PTPRS: variants seen among roughly 807,000 people sequenced by gnomAD.
PTPRS encodes receptor-type tyrosine-protein phosphatase S.
A neutral mutation model predicts 215.3 loss-of-function variants in PTPRS; 63 were observed. The observed-to-expected ratio is 0.29, with a 90% CI of 0.24 to 0.36. The LOEUF is 0.36. Ranked by LOEUF, PTPRS falls within the 10% of genes least tolerant of loss-of-function variation. PTPRS has a pLI of 1.00. For missense variants in PTPRS, 2,258 were observed against 2,825.8 expected, an observed-to-expected ratio of 0.80 and a Z score of 4.56; for synonymous variants, 1,404 against 1,191.4, an observed-to-expected ratio of 1.18 and a Z score of -3.68.
intron 13 of PTPRS, among the ~76,000 whole-genome samples, chr19:5,234,888 C>T (rs1443103582): frequency 6.6e-6 from 1 of 151,972 alleles, no homozygotes; most frequent in Non-Finnish European, 1.5e-5. Flanking sequence ...TACTATGTGT[C>T]AGGCAACTCT....
rs546386339 is a variant in PTPRS, at chr19:5,227,449, T to C, written c.2377-1605A>G. ...TTTTTTTGGACATAGAGTTTCGCTC[T>C]TGTTGCCCAGGCTGGAGTGCAATGG... On this transcript the variant is annotated intron_variant, in intron 16 of 37. Transcript: ENST00000262963. Among the ~76,000 whole-genome samples, 29 of 149,182 alleles carry C rather than the reference T, an allele frequency of 1.9e-4. No individual in the cohort carries two copies. In the South Asian group the frequency reaches 5.4e-3, roughly 28 times the overall value.
rs1220357279 is a variant in PTPRS, at chr19:5,293,589, A to C, written c.-94-7355T>G. 6.6e-6 allele frequency among the ~76,000 whole-genome samples: 1 copy of C among 152,090 alleles called. No individual in the cohort carries two copies. The highest frequency in any genetic ancestry group is 1.5e-5 in the Non-Finnish European group (1 of 67,998). On this transcript the variant is annotated intron_variant, in intron 1 of 37. Coordinates refer to ENST00000262963, the MANE Select transcript of PTPRS (RefSeq NM_002850.4). The surrounding 1 kb of genome is among the most constrained non-coding windows in gnomAD (Gnocchi z 8.4). Reference sequence around the variant, plus strand: ...ATCGTAGCCATGGCAACGCATGAGGAGGCTGGATGCCGGACAGGGCGGCGG... The same window carrying C: ...ATCGTAGCCATGGCAACGCATGAGGCGGCTGGATGCCGGACAGGGCGGCGG...
rs942040732 is a variant in PTPRS at position 5,244,161 on chromosome 19, A to G, written c.1310T>C (p.Met437Thr). ...CACAATCATGGTGGTCGCGCTGAGCATCCGGGCTTGCACGTTCCGCGGCGC... is the reference window on the plus strand; with the variant it reads ...CACAATCATGGTGGTCGCGCTGAGCGTCCGGGCTTGCACGTTCCGCGGCGC... ...ASAPRNVQAR[M>T]LSATTMIVQW... The change falls in exon 11 of 38, where the codon ATG becomes ACG. Residue 437 changes from methionine (M) to threonine (T), a missense_variant. Physicochemically the swap from Met to Thr is moderately conservative, Grantham distance 81. This residue lies in a region of PTPRS where 508 missense variants were observed against 799.4 expected (regional missense o/e 0.64). Transcript: ENST00000262963. The surrounding 1 kb of genome is among the most constrained non-coding windows in gnomAD (Gnocchi z 7.2). 6.2e-7 allele frequency: 1 copy of G among 1,600,888 alleles called. No homozygotes were observed. The highest frequency in any genetic ancestry group is 1.1e-5 in the South Asian group (1 of 89,736).
chr19:5,315,350 G>GCTTTTTTTTTTTTTTTTTT lies in PTPRS; in HGVS notation c.-95+25313_-95+25314insAAAAAAAAAAAAAAAAAAG, dbSNP rs2049835558. Among the ~76,000 whole-genome samples, 20 of 101,314 alleles carry GCTTTTTTTTTTTTTTTTTT rather than the reference G, an allele frequency of 2.0e-4. 8 individuals are homozygous for GCTTTTTTTTTTTTTTTTTT. The highest frequency in any genetic ancestry group is 6.2e-4 in the South Asian group (2 of 3,212). 66.5% of individuals were successfully genotyped at this position (101,314 alleles called of 152,430 possible). A position where few individuals can be genotyped will look rare whatever the true frequency, so the allele number is the denominator to read the frequency against. On this transcript the variant is annotated intron_variant, in intron 1 of 37. Coordinates refer to ENST00000262963, the MANE Select transcript of PTPRS (RefSeq NM_002850.4). ...TCATGGAGAATTTTTATTTGAAAAG[G>GCTTTTTTTTTTTTTTTTTT]GTTTTTTTTTTTTTTTTTTTTTTTT...
In PTPRS at chr19:5,244,131, C is replaced by CA; in HGVS notation, c.1339dup (p.Trp447LeufsTer180). On this transcript the variant is annotated frameshift_variant, in exon 11 of 38. Transcript: ENST00000262963. LOFTEE classifies it high-confidence loss of function. This position sits in a 1 kb window ranked among gnomAD's most constrained non-coding sequence, Gnocchi z 7.2. ...GCCGTTGGGCTCCACCGGCTCCTCC[C>CA]ACTGCACAATCATGGTGGTCGCGCT... is the stretch of plus-strand genomic sequence containing the variant. 6.2e-7 allele frequency: 1 copy of CA among 1,606,376 alleles called. No individual in the cohort carries two copies. The highest frequency in any genetic ancestry group is 8.5e-7 in the Non-Finnish European group (1 of 1,177,202).
chr19:5,229,856 C>A (rs941618156), intron 14 of PTPRS, among the ~76,000 whole-genome samples, 172 bp from the exon 15 acceptor site: 1 of 151,920 alleles, frequency 6.6e-6, no homozygotes. Context: ...TGCACACCCC[C>A]CACAGCCCTG....
At chr19:5,261,200 C>T (rs1599763591) in intron 6 of PTPRS, among the ~76,000 whole-genome samples, 1 of 152,134 alleles carries the variant, frequency 6.6e-6, no homozygotes, top group East Asian at 1.9e-4. Flanking sequence ...AGGTTCATCA[C>T]CCCCCCTTCC....
At chr19:5,243,098 C>T (rs759085871) in intron 11 of PTPRS, among the ~76,000 whole-genome samples, 3 of 151,698 alleles carry the variant, frequency 2.0e-5, no homozygotes, top group Non-Finnish European at 4.4e-5. Context: ...GGACTACAGG[C>T]ACATGCCACC....
chr19:5,256,084 TA>T, intron 9 of PTPRS, 23 bp downstream of exon 9: 1 of 1,507,958 alleles, frequency 6.6e-7, no homozygotes, highest in Non-Finnish European at 9.2e-7. Context: ...GTAAAGAAAG[TA>T]AAAAAGAAAA....
rs1247470506 is a variant in PTPRS at position 5,295,567 on chromosome 19, C to G, written c.-94-9333G>C. 6.6e-6 allele frequency among the ~76,000 whole-genome samples: 1 copy of G among 152,316 alleles called. No homozygotes were observed. Among genetic ancestry groups the G allele is most frequent in the African/African-American group, 2.4e-5 (1 of 41,564 alleles). On this transcript the variant is annotated intron_variant, in intron 1 of 37. Coordinates refer to ENST00000262963, the MANE Select transcript of PTPRS (RefSeq NM_002850.4). This position sits in a 1 kb window ranked among gnomAD's most constrained non-coding sequence, Gnocchi z 4.6. ...CAGACTGTGACCTCAGGAGGCAGAG[C>G]AGGATTTGTCTCGGTCACCCAGTGT...
intron 17 of PTPRS, among the ~76,000 whole-genome samples, chr19:5,224,854 C>A (rs925881813): frequency 1.3e-5 from 2 of 152,032 alleles, no homozygotes; most frequent in Non-Finnish European, 2.9e-5. Flanking sequence ...GGGCTGTGTC[C>A]AGCTGGGAGG....
intron 1 of PTPRS, among the ~76,000 whole-genome samples, chr19:5,320,299 G>T (rs2049990876): frequency 6.6e-6 from 1 of 151,756 alleles, no homozygotes; most frequent in Non-Finnish European, 1.5e-5. Context: ...CCCTGCCCCA[G>T]TGGGAGAGGG....
At chr19:5,327,187 G>A (rs1412897076) in intron 1 of PTPRS, among the ~76,000 whole-genome samples, 1 of 152,222 alleles carries the variant, frequency 6.6e-6, no homozygotes, top group African/African-American at 2.4e-5. Context: ...CACACTCCAA[G>A]CGCAACTCAA....
At chr19:5,285,761 G>C (rs559147525) in intron 2 of PTPRS, among the ~76,000 whole-genome samples, 2 of 152,362 alleles carry the variant, frequency 1.3e-5, no homozygotes, top group South Asian at 4.1e-4. Context: ...GGTAAAATTA[G>C]TGCTTAGCAT....
In PTPRS at chr19:5,300,638, G is replaced by T. The variant is rs1262810615; in HGVS notation, c.-94-14404C>A. ...ATACCAAAATTAGCCGGGCATGGTG[G>T]TGCATGCCTGTAATCCCAGCTACTT... On this transcript the variant is annotated intron_variant, in intron 1 of 37. Coordinates refer to ENST00000262963, the MANE Select transcript of PTPRS (RefSeq NM_002850.4). 4.6e-5 allele frequency among the ~76,000 whole-genome samples: 7 copies of T among 151,904 alleles called. No individual in the cohort carries two copies. In the South Asian group the frequency reaches 1.5e-3, roughly 32 times the overall value.
At chr19:5,220,181 C>T in intron 21 of PTPRS, 27 bp from the exon 22 acceptor site, 1 of 1,608,886 alleles carries the variant, frequency 6.2e-7, no homozygotes, top group Non-Finnish European at 8.5e-7. Flanking sequence ...ATGGGTGGCT[C>T]AGAGCTCAGC....
Position 5,245,721 on chromosome 19 carries a change from C to T in PTPRS, c.988+55G>A, listed in dbSNP as rs553321120. The T allele has an allele frequency of 2.2e-5, 33 of 1,505,716 alleles. No homozygotes were observed. In the Admixed American group the frequency reaches 3.3e-4, roughly 15 times the overall value. 93.3% of individuals were successfully genotyped at this position (1,505,716 alleles called of 1,614,324 possible). A position where few individuals can be genotyped will look rare whatever the true frequency, so the allele number is the denominator to read the frequency against. On this transcript the variant is annotated intron_variant, in intron 10 of 37. Coordinates refer to ENST00000262963, the MANE Select transcript of PTPRS (RefSeq NM_002850.4). ...GCTGCCTCCCACCTGTGCCTGAAGT[C>T]GGGGATCGACTCCAGCCTGCCCCTC...
intron 1 of PTPRS, among the ~76,000 whole-genome samples, chr19:5,308,430 C>T (rs959335842): frequency 6.6e-6 from 1 of 152,190 alleles, no homozygotes; most frequent in Non-Finnish European, 1.5e-5. Flanking sequence ...TGTCCCCAGT[C>T]CCAGCATGGG....
chr19:5,297,711 C>T (rs1345520185), intron 1 of PTPRS, among the ~76,000 whole-genome samples: 4 of 151,806 alleles, frequency 2.6e-5, no homozygotes, highest in Admixed American at 2.0e-4. Flanking sequence ...ACACCTATGA[C>T]AACAGAGTTG....
Sources: gnomAD v4.1 joint callset for allele counts (sites outside exome capture counted in the v4.1 genomes callset) on GRCh38, gnomAD v4.1.1 for gene constraint, gnomAD v4.1.1 regional missense constraint, Gnocchi (gnomAD v3.1) non-coding constraint, MANE v1.5 for transcripts, NCBI Gene and HGNC (gene_info 2026-07-23, HGNC 2026-07-21) for gene names.